The following MYOCD variants were observed in gnomAD, a reference collection of about 807,000 sequenced individuals.
MYOCD encodes the protein myocardin.
MYOCD carries 32 observed loss-of-function variants against 96.1 expected under a neutral mutation model. That is an observed-to-expected ratio of 0.33 (90% CI 0.25 to 0.45). MYOCD has a LOEUF of 0.45. Ranked by LOEUF, MYOCD falls within the 20% of genes least tolerant of loss-of-function variation. The probability of loss-of-function intolerance (pLI) is 1.00; values close to 1 mark genes in which losing one functional copy is unlikely to be tolerated. For synonymous variants in MYOCD, 469 were observed against 469.0 expected (o/e 1.00, Z 0.00); for missense variants, 1,133 against 1,200.6 (o/e 0.94, Z 0.83).
At chr17:12,672,502 A>C (rs1036049825) in intron 1 of MYOCD, among the ~76,000 whole-genome samples, 1 of 152,244 alleles carries the variant, frequency 6.6e-6, no homozygotes, top group Admixed American at 6.5e-5. Context: ...GATAAAACAG[A>C]AAGAGGTGTC....
Position 12,753,255 on chromosome 17 carries a change from A to G in MYOCD, c.1967A>G (p.Asn656Ser). Reference sequence around the variant, plus strand: ...CACATCAGTTTGCCCCCATCACCCAACAACCCTCACTTTCTGCCCTCATCC... The same window carrying G: ...CACATCAGTTTGCCCCCATCACCCAGCAACCCTCACTTTCTGCCCTCATCC... Reference protein sequence around the residue: ...PQHISLPPSPNNPHFLPSSSG... With the variant: ...PQHISLPPSPSNPHFLPSSSG... The change falls in exon 10 of 14, where the codon AAC (asparagine) becomes AGC (serine). Residue 656 changes from asparagine (N) to serine (S), a missense_variant. Asn to Ser is a conservative substitution (Grantham distance 46). Transcript: ENST00000425538. The G allele has an allele frequency of 6.2e-7, 1 of 1,614,132 alleles. No individual in the cohort carries two copies. The highest frequency in any genetic ancestry group is 1.1e-5 in the South Asian group (1 of 91,082).
In MYOCD at chr17:12,714,361, A is replaced by ACACACACC. The variant is rs149778201; in HGVS notation, c.122-1157_122-1156insACACACCC. Among the ~76,000 whole-genome samples the ACACACACC allele has an allele frequency of 2.1e-3, 318 of 148,354 alleles. 1 individual carries two copies. The highest frequency in any genetic ancestry group is 2.6e-3 in the Non-Finnish European group (170 of 66,574). ...CACACACACACACACACACACACAC[A>ACACACACC]CCCCGATCTGGTCAGAAACCTAATT... is the stretch of plus-strand genomic sequence containing the variant. On this transcript the variant is annotated intron_variant, in intron 2 of 13. Transcript: ENST00000425538.
At chr17:12,729,328 G>A (rs143034976) in intron 5 of MYOCD, among the ~76,000 whole-genome samples, 42 of 152,226 alleles carry the variant, frequency 2.8e-4, no homozygotes, top group East Asian at 1.7e-3. Flanking sequence ...GTGTTGGAGC[G>A]TGTGGGAGTG....
intron 1 of MYOCD, among the ~76,000 whole-genome samples, chr17:12,688,681 TC>T (rs1246312158): frequency 3.3e-5 from 4 of 122,754 alleles, no homozygotes; most frequent in Non-Finnish European, 7.8e-5. Flanking sequence ...ATTCCTTTCT[TC>T]CTTCCTTCCT....
intron 1 of MYOCD, among the ~76,000 whole-genome samples, chr17:12,699,038 G>A (rs1035213327): frequency 1.1e-4 from 16 of 148,110 alleles, no homozygotes; most frequent in African/African-American, 2.2e-4. Flanking sequence ...CACCGCGCCC[G>A]GCCCCAGACC....
chr17:12,698,826 T>A (rs1380221270), intron 1 of MYOCD, among the ~76,000 whole-genome samples: 5 of 130,472 alleles, frequency 3.8e-5, no homozygotes, highest in Non-Finnish European at 7.8e-5. Flanking sequence ...CACTGCAAGC[T>A]CCGCCTCCCC....
At chr17:12,735,937 C>A (rs1397345909) in intron 5 of MYOCD, among the ~76,000 whole-genome samples, 2 of 152,124 alleles carry the variant, frequency 1.3e-5, no homozygotes, top group Non-Finnish European at 2.9e-5. Context: ...TAAAGTTTAA[C>A]AAGTGATGAT....
chr17:12,685,514 G>T (rs2030068134), intron 1 of MYOCD, among the ~76,000 whole-genome samples: 1 of 151,290 alleles, frequency 6.6e-6, no homozygotes, highest in Admixed American at 6.6e-5. Context: ...GCTGCGGCAG[G>T]AGAATCACTT....
At chr17:12,693,769 TGAG>T (rs1479721556) in intron 1 of MYOCD, among the ~76,000 whole-genome samples, 1 of 151,778 alleles carries the variant, frequency 6.6e-6, no homozygotes, top group Non-Finnish European at 1.5e-5. Flanking sequence ...AATATTCAAA[TGAG>T]GAAATCAGAA....
At chr17:12,696,787 A>G (rs918626934) in intron 1 of MYOCD, among the ~76,000 whole-genome samples, 3 of 152,168 alleles carry the variant, frequency 2.0e-5, no homozygotes, top group Non-Finnish European at 4.4e-5. Flanking sequence ...GCGATTCTTG[A>G]TTGTACGCTA....
chr17:12,721,517 G>A (rs1460792130), intron 4 of MYOCD, among the ~76,000 whole-genome samples: 2 of 151,896 alleles, frequency 1.3e-5, no homozygotes, highest in African/African-American at 2.4e-5. Flanking sequence ...AGAAGTTCAA[G>A]GTGGGGAAAG....
chr17:12,714,104 T>C (rs2031562695), intron 2 of MYOCD, among the ~76,000 whole-genome samples: 1 of 152,132 alleles, frequency 6.6e-6, no homozygotes, highest in Non-Finnish European at 1.5e-5. Context: ...CAATTCTGCA[T>C]GTTCCTTCAG....
At chr17:12,666,946 C>T (rs1056511271) in intron 1 of MYOCD, among the ~76,000 whole-genome samples, 4 of 152,142 alleles carry the variant, frequency 2.6e-5, no homozygotes, top group Non-Finnish European at 4.4e-5. Flanking sequence ...TGTACACGCG[C>T]CCATGGAAGG....
chr17:12,699,647 CAACTTTATTAT>C (rs2030963015), intron 1 of MYOCD, among the ~76,000 whole-genome samples: 1 of 152,108 alleles, frequency 6.6e-6, no homozygotes, highest in Non-Finnish European at 1.5e-5. Context: ...AGTTCTCTGT[CAACTTTATTAT>C]AACATAACTC....
chr17:12,748,480 GTTCA>G (rs1276941914), intron 9 of MYOCD, among the ~76,000 whole-genome samples: 1 of 152,060 alleles, frequency 6.6e-6, no homozygotes, highest in Non-Finnish European at 1.5e-5. Context: ...AGTATATGAG[GTTCA>G]TTAGACTTTC....
chr17:12,736,562 C>A (rs1244832977), intron 6 of MYOCD, among the ~76,000 whole-genome samples: 1 of 152,182 alleles, frequency 6.6e-6, no homozygotes, highest in Non-Finnish European at 1.5e-5. Flanking sequence ...CAGAACTACA[C>A]CCTTTAACTT....
intron 7 of MYOCD, among the ~76,000 whole-genome samples, chr17:12,740,943 G>A (rs2032488134): frequency 6.6e-6 from 1 of 152,014 alleles, no homozygotes; most frequent in Non-Finnish European, 1.5e-5. Flanking sequence ...TCTCCATGTT[G>A]GTCAGGCTGA....
intron 10 of MYOCD, 113 bp from the exon 11 acceptor site, chr17:12,756,301 A>G (rs2033009558): frequency 5.0e-5 from 61 of 1,228,068 alleles, no homozygotes; most frequent in Non-Finnish European, 7.0e-5. Flanking sequence ...GAATTTAGGA[A>G]GGTTTGTAAA....
Position 12,763,560 on chromosome 17 carries a change from C to A in MYOCD, c.2877C>A (p.Ser959Arg), listed in dbSNP as rs746423932. 1 of 1,614,054 alleles carries A rather than the reference C, an allele frequency of 6.2e-7. No individual in the cohort carries two copies. The highest frequency in any genetic ancestry group is 1.3e-5 in the African/African-American group (1 of 74,928). Residue 959 changes from serine (S) to arginine (R), a missense_variant, in exon 14 of 14, where the codon AGC becomes AGA. Transcript: ENST00000425538. ...TPGFSALTTS[S>R]PSIFNIDFLD... ...GCTTTAGCGCCCTCACCACCAGCAG[C>A]CCCAGCATCTTCAACATCGATTTCC...
Sources: allele counts gnomAD v4.1 joint callset (sites outside exome capture counted in the v4.1 genomes callset), GRCh38; gene constraint gnomAD v4.1.1; transcripts MANE v1.5; gene names NCBI Gene and HGNC (gene_info 2026-07-23, HGNC 2026-07-21).